Variants in TRPM3 observed in about 807,000 individuals in gnomAD.
The protein encoded by TRPM3 is transient receptor potential cation channel subfamily M member 3, also known as long transient receptor potential channel 3.
A neutral mutation model predicts 181.2 loss-of-function variants in TRPM3; 77 were observed. That is an observed-to-expected ratio of 0.42 (90% confidence interval 0.35 to 0.51). TRPM3 has a LOEUF of 0.51. TRPM3 is among the 20% of genes least tolerant of loss of function. The pLI is 0.01. For synonymous variants in TRPM3, 745 were observed against 796.4 expected, an observed-to-expected ratio of 0.94 and a Z score of 1.09; for missense variants, 1,759 against 2,196.7, an observed-to-expected ratio of 0.80 and a Z score of 3.98.
chr9:70,664,278 A>G (rs2061507415), intron 9 of TRPM3, among the ~76,000 whole-genome samples: 1 of 152,220 alleles, frequency 6.6e-6, no homozygotes, highest in South Asian at 2.1e-4. Flanking sequence ...AGAATTAAGT[A>G]CAGATAGCCC....
chr9:71,422,786 A>G (rs1256981687), intron 1 of TRPM3, among the ~76,000 whole-genome samples: 2 of 152,040 alleles, frequency 1.3e-5, no homozygotes, highest in Admixed American at 6.6e-5. Flanking sequence ...ATATTATTTG[A>G]TATTTTCCAG....
Position 71,395,687 on chromosome 9 carries a change from G to T in TRPM3, c.183+50966C>A, listed in dbSNP as rs548177285. 3.3e-5 allele frequency among the ~76,000 whole-genome samples: 5 copies of T among 152,252 alleles called. No individual in the cohort carries two copies. The South Asian group carries it at 8.3e-4, about 25-fold the overall frequency. On this transcript the variant is annotated intron_variant, in intron 1 of 24. Transcript: ENST00000357533. ...TTTGAAAGATCAAAATGTTGACTAA[G>T]GTCTTAAAATTCTAGTTAATTATTT... is the stretch of plus-strand genomic sequence containing the variant.
intron 1 of TRPM3, among the ~76,000 whole-genome samples, chr9:71,261,124 T>C (rs1368531110): frequency 6.6e-6 from 1 of 152,228 alleles, no homozygotes; most frequent in Non-Finnish European, 1.5e-5. Context: ...ATTCTCCCCA[T>C]CACTTTCAAG....
chr9:70,991,555 G>GT (rs56157123), intron 1 of TRPM3, among the ~76,000 whole-genome samples: 48,289 of 124,034 alleles, frequency 0.39, 10,026 homozygotes, highest in Middle Eastern at 0.53. Context: ...CTATGTGTCT[G>GT]TTTTTTTTTT....
At chr9:70,933,888 T>C (rs561530316) in intron 1 of TRPM3, among the ~76,000 whole-genome samples, 1 of 152,014 alleles carries the variant, frequency 6.6e-6, no homozygotes, top group Non-Finnish European at 1.5e-5. Flanking sequence ...GGATTGGACT[T>C]TGATAGGAGG....
At chr9:70,581,591 T>C (rs893231241) in intron 22 of TRPM3, among the ~76,000 whole-genome samples, 2 of 152,224 alleles carry the variant, frequency 1.3e-5, no homozygotes, top group Middle Eastern at 3.2e-3. Flanking sequence ...TATTTGTTGG[T>C]TGCTGTTAAT....
At chr9:71,425,897 T>C (rs2093854407) in intron 1 of TRPM3, among the ~76,000 whole-genome samples, 1 of 152,166 alleles carries the variant, frequency 6.6e-6, no homozygotes, top group African/African-American at 2.4e-5. Flanking sequence ...AGTTCTTTAC[T>C]GTTGAAGAGA....
chr9:71,167,265 T>C (rs1490340463), intron 1 of TRPM3, among the ~76,000 whole-genome samples: 1 of 152,212 alleles, frequency 6.6e-6, no homozygotes, highest in Non-Finnish European at 1.5e-5. Context: ...CTAGATGATT[T>C]CTTCATTTAT....
rs577829987 is a variant in TRPM3, at chr9:71,003,024, A to C, written c.177+118154T>G. ...TTTAGAAAGCCTCTTTAAGCTCTTT[A>C]AATATAAAACTAATCTACTGGCTTT... On this transcript the variant is annotated intron_variant, in intron 1 of 25. Coordinates refer to ENST00000677713, the MANE Select transcript of TRPM3 (RefSeq NM_001366145.2). 2.0e-5 allele frequency among the ~76,000 whole-genome samples: 3 copies of C among 152,302 alleles called. No homozygotes were observed. The South Asian group carries it at 6.2e-4, about 32-fold the overall frequency.
chr9:71,262,408 C>T (rs2083120822), intron 1 of TRPM3, among the ~76,000 whole-genome samples: 1 of 152,142 alleles, frequency 6.6e-6, no homozygotes, highest in Admixed American at 6.5e-5. Context: ...GACTGCTGTG[C>T]TGGCAGTGAG....
At chr9:70,879,264 G>T (rs1052897775) in intron 1 of TRPM3, among the ~76,000 whole-genome samples, 1 of 152,042 alleles carries the variant, frequency 6.6e-6, no homozygotes, top group Non-Finnish European at 1.5e-5. Flanking sequence ...ATCTGAGCTG[G>T]GCCTGGCACA....
chr9:70,854,173 G>A (rs2095322648), intron 3 of TRPM3, among the ~76,000 whole-genome samples: 1 of 152,226 alleles, frequency 6.6e-6, no homozygotes, highest in Non-Finnish European at 1.5e-5. Flanking sequence ...TCACTTGTGA[G>A]TCTATTAATT....
chr9:71,178,748 G>A (rs557413369), intron 1 of TRPM3, among the ~76,000 whole-genome samples: 1 of 152,054 alleles, frequency 6.6e-6, no homozygotes, highest in Non-Finnish European at 1.5e-5. Flanking sequence ...ATTCCATTCT[G>A]AGAGTATATT....
In TRPM3 at chr9:70,549,428, A is replaced by G. The variant is rs1452306880; in HGVS notation, c.3707+114T>C. The stretch of plus-strand genomic sequence containing the variant: ...TCTCATAAGCTCCATGATTTCTCAG[A>G]CAATAAAAACAAACACAAAAGATCT... On this transcript the variant is annotated intron_variant, in intron 25 of 25. Coordinates refer to ENST00000677713, the MANE Select transcript of TRPM3 (RefSeq NM_001366145.2). The G allele has an allele frequency of 3.4e-5, 46 of 1,338,606 alleles. 1 individual carries two copies. The East Asian group carries it at 1.1e-3, about 32-fold the overall frequency. The allele number at this position is 1,338,606 out of a possible 1,614,324, so 82.9% of individuals were successfully genotyped here. A position where few individuals can be genotyped will look rare whatever the true frequency, so the allele number is the denominator to read the frequency against.
rs143889548 is a variant in TRPM3 at position 71,312,677 on chromosome 9, T to G, written c.183+133976A>C. 4.5e-3 allele frequency among the ~76,000 whole-genome samples: 680 copies of G among 152,284 alleles called. 9 individuals carry two copies. The highest frequency in any genetic ancestry group is 0.016 in the African/African-American group (648 of 41,564). On this transcript the variant is annotated intron_variant, in intron 1 of 24. Transcript: ENST00000357533. ...AGATGTCCTTCAGTAGATAAATGGC[T>G]AAACTGTGGTACATCTAGATAATGG...
chr9:71,081,621 A>G (rs1808424252), intron 1 of TRPM3, among the ~76,000 whole-genome samples: 1 of 152,140 alleles, frequency 6.6e-6, no homozygotes, highest in Non-Finnish European at 1.5e-5. Flanking sequence ...TGTGACTTTA[A>G]TTTTGGCAGA....
At chr9:71,427,158 T>C (rs2093879008) in intron 1 of TRPM3, among the ~76,000 whole-genome samples, 1 of 152,158 alleles carries the variant, frequency 6.6e-6, no homozygotes. Context: ...AATGATTCCA[T>C]CTTGTACCAT....
At chr9:71,101,357 A>G (rs1460919932) in intron 1 of TRPM3, among the ~76,000 whole-genome samples, 1 of 152,046 alleles carries the variant, frequency 6.6e-6, no homozygotes, top group Non-Finnish European at 1.5e-5. Context: ...CTTAGTCCTC[A>G]CTGATTTCCT....
chr9:71,409,571 A>G (rs2093503468), intron 1 of TRPM3, among the ~76,000 whole-genome samples: 1 of 152,170 alleles, frequency 6.6e-6, no homozygotes, highest in South Asian at 2.1e-4. Context: ...TCCTAAATAT[A>G]TATGCACCCA....
Sources: gnomAD v4.1 joint callset for allele counts (sites outside exome capture counted in the v4.1 genomes callset) on GRCh38, gnomAD v4.1.1 for gene constraint, MANE v1.5 for transcripts, NCBI Gene and HGNC (gene_info 2026-07-23, HGNC 2026-07-21) for gene names.